The following PRKD1 variants were observed in gnomAD, a reference collection of about 807,000 sequenced individuals.
PRKD1 encodes the protein protein kinase D1.
In PRKD1, 63 loss-of-function variants were observed where a neutral mutation model predicts 95.9. That is an observed-to-expected ratio of 0.66 (90% CI 0.54 to 0.81). PRKD1 has a LOEUF of 0.81. PRKD1 is among the 30% of genes least tolerant of loss of function. The pLI, the probability that PRKD1 is intolerant of heterozygous loss-of-function variation, is 0.00. For missense variants in PRKD1, 1,048 were observed against 1,165.3 expected (o/e 0.90, Z 1.47); for synonymous variants, 425 against 423.1 (o/e 1.00, Z -0.05).
intron 1 of PRKD1, among the ~76,000 whole-genome samples, chr14:29,819,851 G>A (rs1184071093): frequency 6.6e-6 from 1 of 152,094 alleles, no homozygotes; most frequent in Non-Finnish European, 1.5e-5. Context: ...CAGATGAAAA[G>A]TAAAAACAAC....
chr14:29,800,190 G>C (rs1381616410), intron 1 of PRKD1, among the ~76,000 whole-genome samples: 1 of 152,124 alleles, frequency 6.6e-6, no homozygotes, highest in Non-Finnish European at 1.5e-5. Flanking sequence ...AACCCACCCT[G>C]TATTTCTCCC....
intron 1 of PRKD1, among the ~76,000 whole-genome samples, chr14:29,815,260 A>G (rs1310744479): frequency 6.6e-6 from 1 of 152,248 alleles, no homozygotes; most frequent in Non-Finnish European, 1.5e-5. Context: ...GACAAACTAA[A>G]CATAAGATAA....
At chr14:29,772,582 C>T (rs545339259) in intron 1 of PRKD1, among the ~76,000 whole-genome samples, 1 of 152,230 alleles carries the variant, frequency 6.6e-6, no homozygotes, top group East Asian at 1.9e-4. Context: ...CTTCCATTAT[C>T]TGAAATGTTC....
chr14:29,757,371 A>G (rs1887754110), intron 1 of PRKD1, among the ~76,000 whole-genome samples: 1 of 152,174 alleles, frequency 6.6e-6, no homozygotes, highest in Non-Finnish European at 1.5e-5. Context: ...GCACAGATGC[A>G]AGGTACCTAG....
At chr14:29,896,187 T>C (rs1036550418) in intron 1 of PRKD1, among the ~76,000 whole-genome samples, 3 of 152,196 alleles carry the variant, frequency 2.0e-5, no homozygotes, top group Non-Finnish European at 4.4e-5. Context: ...TAAACAATTA[T>C]CAACATTATT....
In PRKD1 at chr14:29,576,869, A is replaced by T. The variant is rs1390365321; in HGVS notation, c.*369T>A. ...TGTTTACAATGACAACACCAATGGGACACACCAAACAGAACTACTTCACAG... is the reference window on the plus strand; with the variant it reads ...TGTTTACAATGACAACACCAATGGGTCACACCAAACAGAACTACTTCACAG... On this transcript the variant is annotated 3_prime_UTR_variant, in exon 18 of 18. Transcript: ENST00000331968. 7.3e-6 allele frequency: 2 copies of T among 272,822 alleles called. No homozygotes were observed. The highest frequency in any genetic ancestry group is 2.2e-5 in the African/African-American group (1 of 46,134). The allele number at this position is 272,822 out of a possible 1,614,324, so 16.9% of individuals were successfully genotyped here.
chr14:29,720,442 C>T (rs1885828979), intron 2 of PRKD1, among the ~76,000 whole-genome samples: 1 of 151,962 alleles, frequency 6.6e-6, no homozygotes, highest in Non-Finnish European at 1.5e-5. Context: ...ATGATACTTT[C>T]ATCTAGTAGA....
At chr14:29,904,413 C>A (rs909009568) in intron 1 of PRKD1, among the ~76,000 whole-genome samples, 2 of 152,160 alleles carry the variant, frequency 1.3e-5, no homozygotes, top group Non-Finnish European at 2.9e-5. Flanking sequence ...GCAATTCTTT[C>A]TGTGCCCCAA....
intron 4 of PRKD1, among the ~76,000 whole-genome samples, chr14:29,662,833 G>T (rs1882256084): frequency 6.6e-6 from 1 of 151,594 alleles, no homozygotes; most frequent in Admixed American, 6.6e-5. Flanking sequence ...TACAGTAACA[G>T]GATTATAAAG....
At chr14:29,911,693 G>A (rs1894719533) in intron 1 of PRKD1, among the ~76,000 whole-genome samples, 1 of 152,164 alleles carries the variant, frequency 6.6e-6, no homozygotes, top group Admixed American at 6.5e-5. Flanking sequence ...TGACATATTA[G>A]TTTCTTACTG....
At chr14:29,826,844 C>CACATATAT (rs1323754040) in intron 1 of PRKD1, among the ~76,000 whole-genome samples, 16 of 28,676 alleles carry the variant, frequency 5.6e-4, no homozygotes, top group African/African-American at 1.7e-3. Context: ...TATATACACA[C>CACATATAT]ATATATATAT....
intron 1 of PRKD1, among the ~76,000 whole-genome samples, chr14:29,774,188 A>C (rs1288450078): frequency 6.6e-6 from 1 of 152,254 alleles, no homozygotes; most frequent in Non-Finnish European, 1.5e-5. Context: ...AAAGACAGGA[A>C]GCTAGTGTGG....
chr14:29,603,367 CCAAA>C (rs1893592164), intron 13 of PRKD1, among the ~76,000 whole-genome samples: 1 of 151,956 alleles, frequency 6.6e-6, no homozygotes, highest in Admixed American at 6.6e-5. Flanking sequence ...AAACAAATGG[CCAAA>C]CTTGTTTTTA....
At chr14:29,708,679 C>T (rs930854737) in intron 2 of PRKD1, among the ~76,000 whole-genome samples, 2 of 152,016 alleles carry the variant, frequency 1.3e-5, no homozygotes, top group Non-Finnish European at 2.9e-5. Context: ...ATGGCAAAAC[C>T]TCCTCTCTAC....
At chr14:29,806,526 C>T (rs1410474092) in intron 1 of PRKD1, among the ~76,000 whole-genome samples, 1 of 151,990 alleles carries the variant, frequency 6.6e-6, no homozygotes, top group Non-Finnish European at 1.5e-5. Context: ...GCGCATCATG[C>T]AGATTACATT....
chr14:29,915,942 A>G (rs1218065498), intron 1 of PRKD1, among the ~76,000 whole-genome samples: 1 of 152,222 alleles, frequency 6.6e-6, no homozygotes, highest in Non-Finnish European at 1.5e-5. Context: ...TCCTTAAAAT[A>G]GAGATAAAAT....
At chr14:29,819,262 T>C (rs996789518) in intron 1 of PRKD1, among the ~76,000 whole-genome samples, 21 of 152,168 alleles carry the variant, frequency 1.4e-4, no homozygotes, top group Non-Finnish European at 2.2e-4. Context: ...ACTGTGGTTA[T>C]ATAAAACAAT....
intron 1 of PRKD1, among the ~76,000 whole-genome samples, chr14:29,806,947 AGGTTTCTC>A (rs1296047318): frequency 6.6e-6 from 1 of 152,176 alleles, no homozygotes; most frequent in Non-Finnish European, 1.5e-5. Context: ...ACAAATTTTC[AGGTTTCTC>A]AATGCATATA....
intron 1 of PRKD1, among the ~76,000 whole-genome samples, chr14:29,816,024 C>T (rs1890677108): frequency 6.6e-6 from 1 of 152,090 alleles, no homozygotes; most frequent in Admixed American, 6.5e-5. Context: ...TCGAGACCAT[C>T]CTGGCCAACA....
Sources: allele counts gnomAD v4.1 joint callset (sites outside exome capture counted in the v4.1 genomes callset), GRCh38; gene constraint gnomAD v4.1.1; transcripts MANE v1.5; gene names NCBI Gene and HGNC (gene_info 2026-07-23, HGNC 2026-07-21).